CFAP70: variants seen among roughly 807,000 people sequenced by gnomAD.
CFAP70 encodes the protein cilia and flagella associated protein 70, also known as cilia- and flagella-associated protein 70.
CFAP70 carries 81 observed loss-of-function variants against 137.6 expected under a neutral mutation model. That is an observed-to-expected ratio of 0.59 (90% CI 0.49 to 0.71). CFAP70 has a LOEUF of 0.71. Ranked by LOEUF, CFAP70 falls within the 30% of genes least tolerant of loss-of-function variation. The probability of loss-of-function intolerance (pLI) is 0.00; values close to 1 mark genes in which losing one functional copy is unlikely to be tolerated. For missense variants in CFAP70, 976 were observed against 1,226.7 expected (o/e 0.80, Z 3.05); for synonymous variants, 382 against 423.6 (o/e 0.90, Z 1.20).
chr10:73,359,187 T>C (rs2054902698), upstream of CFAP70, among the ~76,000 whole-genome samples: 1 of 152,216 alleles, frequency 6.6e-6, no homozygotes, highest in Non-Finnish European at 1.5e-5. Context: ...TCAATATTTG[T>C]ACAATAAACA....
intron 24 of CFAP70, 139 bp downstream of exon 25, chr10:73,272,789 T>C: frequency 1.3e-6 from 1 of 783,462 alleles, no homozygotes; most frequent in Non-Finnish European, 2.2e-6. Context: ...CTGAACACCT[T>C]TGAAGAACAA....
chr10:73,305,018 C>T (rs11000595), intron 12 of CFAP70, among the ~76,000 whole-genome samples: 16,067 of 152,210 alleles, frequency 0.11, 1,219 homozygotes, highest in East Asian at 0.3. Flanking sequence ...CGCTGCACAC[C>T]GCATCCCCAG....
At chr10:73,362,159 G>A (rs2055035696), upstream of CFAP70, among the ~76,000 whole-genome samples, 1 of 152,116 alleles carries the variant, frequency 6.6e-6, no homozygotes. Context: ...GAGGGAGGGG[G>A]TAATATAGTC....
At chr10:73,264,382 C>T (rs1007798610) in intron 25 of CFAP70, among the ~76,000 whole-genome samples, 3 of 152,182 alleles carry the variant, frequency 2.0e-5, no homozygotes, top group African/African-American at 2.4e-5. Flanking sequence ...GAATATATTT[C>T]TATAAATACA....
At chr10:73,356,495 G>A (rs919661281) in intron 1 of CFAP70, among the ~76,000 whole-genome samples, 1 of 152,182 alleles carries the variant, frequency 6.6e-6, no homozygotes, top group African/African-American at 2.4e-5. Context: ...CACTGTGCCT[G>A]TTGAAAAGGC....
At chr10:73,278,302 G>A (rs1487117885) in exon 20 of CFAP70, 2 of 1,613,846 alleles carry the variant, frequency 1.2e-6, no homozygotes, top group Non-Finnish European at 1.7e-6. Flanking sequence ...GATTCTTCAA[G>A]AAATTTGTCT....
At chr10:73,318,965 T>G (rs1439095581) in intron 9 of CFAP70, among the ~76,000 whole-genome samples, 1 of 152,202 alleles carries the variant, frequency 6.6e-6, no homozygotes, top group Non-Finnish European at 1.5e-5. Flanking sequence ...TTTACTGAGA[T>G]GGAGCAAGGA....
chr10:73,344,014 C>T (rs1204076868), intron 5 of CFAP70, among the ~76,000 whole-genome samples: 2 of 150,406 alleles, frequency 1.3e-5, no homozygotes, highest in African/African-American at 2.5e-5. Context: ...GGCTGGAGTA[C>T]AATCTTGGCG....
chr10:73,256,355 C>A lies in CFAP70; in HGVS notation c.3075+14G>T. ...ACATGGGGCAGGCAAATGACAGAGG[C>A]ATCTGTGTCATACCTTGATCATGTA... is the stretch of plus-strand genomic sequence containing the variant. On this transcript the variant is annotated intron_variant, in intron 26 of 26. Transcript: ENST00000310715. 1 of 1,614,050 alleles carries A rather than the reference C, an allele frequency of 6.2e-7. No homozygotes were observed. The highest frequency in any genetic ancestry group is 8.5e-7 in the Non-Finnish European group (1 of 1,179,946).
intron 8 of CFAP70, among the ~76,000 whole-genome samples, chr10:73,327,893 C>T (rs1415084777): frequency 6.6e-6 from 1 of 152,180 alleles, no homozygotes; most frequent in East Asian, 1.9e-4. Flanking sequence ...GAATCAATAT[C>T]GTGAAAATGG....
intron 12 of CFAP70, among the ~76,000 whole-genome samples, chr10:73,309,161 G>C (rs1211427906): frequency 6.6e-6 from 1 of 152,108 alleles, no homozygotes; most frequent in Admixed American, 6.6e-5. Context: ...AAAAAAGAGA[G>C]AAGACATGAA....
chr10:73,354,266 A>G (rs1329572071), intron 2 of CFAP70, among the ~76,000 whole-genome samples: 1 of 152,260 alleles, frequency 6.6e-6, no homozygotes, highest in East Asian at 1.9e-4. Flanking sequence ...ATTTTTATAT[A>G]TGCATTTTAA....
chr10:73,285,439 A>C (rs546328783), intron 19 of CFAP70, among the ~76,000 whole-genome samples: 4 of 152,292 alleles, frequency 2.6e-5, no homozygotes, highest in African/African-American at 9.6e-5. Flanking sequence ...GATGGGAAGG[A>C]CTTCTGCTTC....
intron 22 of CFAP70, chr10:73,274,864 G>A: frequency 4.7e-6 from 2 of 422,886 alleles, no homozygotes; most frequent in Admixed American, 4.2e-5. Context: ...AAACATTCAA[G>A]CATAACCCCA....
chr10:73,258,787 T>A (rs1448954300), intron 25 of CFAP70, among the ~76,000 whole-genome samples: 1 of 152,176 alleles, frequency 6.6e-6, no homozygotes, highest in Non-Finnish European at 1.5e-5. Context: ...TGGTTGTATA[T>A]AAGGGATGAA....
At chr10:73,304,285 C>G (rs1482151803) in intron 12 of CFAP70, among the ~76,000 whole-genome samples, 1 of 152,120 alleles carries the variant, frequency 6.6e-6, no homozygotes, top group Non-Finnish European at 1.5e-5. Context: ...AACTCCTGAC[C>G]TCAGGTGATT....
chr10:73,324,483 G>A (rs1336097384), intron 8 of CFAP70, among the ~76,000 whole-genome samples: 3 of 152,182 alleles, frequency 2.0e-5, no homozygotes, highest in South Asian at 2.1e-4. Context: ...AAAGCTGGAC[G>A]GAGAATGACT....
Position 73,275,813 on chromosome 10 carries a change from C to T in CFAP70, c.2521-215G>A. On this transcript the variant is annotated intron_variant, in intron 21 of 26. Transcript: ENST00000310715. The surrounding 1 kb of genome is among the most constrained non-coding windows in gnomAD (Gnocchi z 4.0). ...CCTAGTCACCAAATGAAGACATTACCAAGTGAATAACTTGCAATATTGTAC... is the reference window on the plus strand; with the variant it reads ...CCTAGTCACCAAATGAAGACATTACTAAGTGAATAACTTGCAATATTGTAC... 1 of 424,378 alleles carries T rather than the reference C, an allele frequency of 2.4e-6. No homozygotes were observed. Among genetic ancestry groups the T allele is most frequent in the Non-Finnish European group, 4.1e-6 (1 of 242,980 alleles). The allele number at this position is 424,378 out of a possible 1,614,324, so 26.3% of individuals were successfully genotyped here. A position where few individuals can be genotyped will look rare whatever the true frequency, so the allele number is the denominator to read the frequency against.
intron 6 of CFAP70, among the ~76,000 whole-genome samples, chr10:73,340,535 C>T (rs909620233): frequency 6.6e-6 from 1 of 152,228 alleles, no homozygotes; most frequent in Non-Finnish European, 1.5e-5. Flanking sequence ...GGGCACCTGC[C>T]CCTTTTTGCC....
Sources: gnomAD v4.1 joint callset for allele counts (sites outside exome capture counted in the v4.1 genomes callset) on GRCh38, gnomAD v4.1.1 for gene constraint, Gnocchi (gnomAD v3.1) non-coding constraint, MANE v1.5 for transcripts, NCBI Gene and HGNC (gene_info 2026-07-23, HGNC 2026-07-21) for gene names.